The following CTBP2 variants were observed in gnomAD, a reference collection of about 807,000 sequenced individuals.
CTBP2 encodes C-terminal binding protein 2, also known as C-terminal-binding protein 2.
A neutral mutation model predicts 80.3 loss-of-function variants in CTBP2; 30 were observed. The observed-to-expected ratio is 0.37, with a 90% CI of 0.28 to 0.51. The LOEUF (loss-of-function observed/expected upper bound fraction) is 0.51. Ranked by LOEUF, CTBP2 falls within the 20% of genes least tolerant of loss-of-function variation. The pLI is 0.93. For synonymous variants in CTBP2, 594 were observed against 587.4 expected (o/e 1.01, Z -0.16); for missense variants, 1,212 against 1,375.3 (o/e 0.88, Z 1.88).
At chr10:125,036,668 GGTGTGTGTGT>G (rs59284647) in intron 3 of CTBP2, among the ~76,000 whole-genome samples, 1,259 of 119,324 alleles carry the variant, frequency 0.011, 8 homozygotes, top group South Asian at 0.019. Context: ...AGCTAGAGGG[GGTGTGTGTGT>G]GTGTGTGTGT....
At chr10:125,033,894 G>A (rs1211204519) in intron 3 of CTBP2, among the ~76,000 whole-genome samples, 1 of 152,116 alleles carries the variant, frequency 6.6e-6, no homozygotes, top group Non-Finnish European at 1.5e-5. Context: ...CCAACCAGGC[G>A]GTGGGAAACA....
chr10:124,992,671 G>A, intron 8 of CTBP2, 24 bp downstream of exon 10: 2 of 1,567,060 alleles, frequency 1.3e-6, no homozygotes, highest in Non-Finnish European at 1.7e-6. Flanking sequence ...CACAAGCTGA[G>A]ACAAAGTCAG....
intron 2 of CTBP2, among the ~76,000 whole-genome samples, chr10:125,084,261 G>A (rs1273133092): frequency 6.6e-6 from 1 of 152,210 alleles, no homozygotes; most frequent in Non-Finnish European, 1.5e-5. Context: ...CCAGCCGGCT[G>A]CTGTTTAGAA....
intron 1 of CTBP2, among the ~76,000 whole-genome samples, chr10:125,016,647 G>C (rs976307100): frequency 6.6e-6 from 1 of 152,252 alleles, no homozygotes; most frequent in African/African-American, 2.4e-5. Context: ...AGAGGAAAGT[G>C]ATCCGCGAGG....
chr10:125,053,432 C>T (rs1394977840), intron 2 of CTBP2, among the ~76,000 whole-genome samples: 1 of 152,156 alleles, frequency 6.6e-6, no homozygotes, highest in Admixed American at 6.5e-5. Flanking sequence ...TCCTGGCATC[C>T]CCCAACACAG....
At chr10:125,118,901 C>T (rs76422588) in intron 1 of CTBP2, among the ~76,000 whole-genome samples, 9,588 of 152,282 alleles carry the variant, frequency 0.063, 357 homozygotes, top group South Asian at 0.14. Flanking sequence ...GTGGACAAGG[C>T]GGCTGCTGGT....
At chr10:125,122,803 G>A (rs1218658150) in intron 1 of CTBP2, 2 of 152,202 alleles carry the variant, frequency 1.3e-5, no homozygotes, top group Non-Finnish European at 2.9e-5. Context: ...TTGTCACCAA[G>A]CAAGGGTCCT....
Position 125,005,835 on chromosome 10 carries a change from G to A in CTBP2, c.1679-2343C>T, listed in dbSNP as rs769230603. 4 of 1,595,992 alleles carry A rather than the reference G, an allele frequency of 2.5e-6. No individual in the cohort carries two copies. In the Admixed American group the frequency reaches 6.9e-5, roughly 27 times the overall value. On this transcript the variant is annotated intron_variant, in intron 1 of 8. Transcript: ENST00000309035. ...CCCCAGGCGGTCGCCCACACACAGT[G>A]AGGAACACCCCAACTTCACTTTCAG...
At chr10:125,003,976 G>T (rs1158986064) in intron 1 of CTBP2, among the ~76,000 whole-genome samples, 1 of 152,236 alleles carries the variant, frequency 6.6e-6, no homozygotes, top group African/African-American at 2.4e-5. Flanking sequence ...GAAATGGCGG[G>T]TCTGGGGCAG....
At chr10:124,990,536 T>C (rs1256139571) in intron 8 of CTBP2, among the ~76,000 whole-genome samples, 1 of 152,236 alleles carries the variant, frequency 6.6e-6, no homozygotes, top group Admixed American at 6.5e-5. Flanking sequence ...GGATACATTA[T>C]ACTATTTAAA....
chr10:125,108,058 G>T (rs1039424509), intron 2 of CTBP2, among the ~76,000 whole-genome samples: 1 of 152,194 alleles, frequency 6.6e-6, no homozygotes, highest in African/African-American at 2.4e-5. Context: ...GATGGAGAAC[G>T]AAGTCTTTTT....
At chr10:125,081,854 C>T (rs1425053335) in intron 2 of CTBP2, among the ~76,000 whole-genome samples, 5 of 152,146 alleles carry the variant, frequency 3.3e-5, no homozygotes, top group South Asian at 2.1e-4. Flanking sequence ...GAAAGACAGG[C>T]GGGTCAGGCA....
intron 1 of CTBP2, among the ~76,000 whole-genome samples, chr10:125,012,740 C>T (rs976590598): frequency 1.3e-5 from 2 of 152,124 alleles, no homozygotes; most frequent in African/African-American, 4.8e-5. Flanking sequence ...CCTGGGCTCA[C>T]GTGATTCTCC....
chr10:125,091,071 T>C (rs1300814474), intron 2 of CTBP2, among the ~76,000 whole-genome samples: 6 of 152,058 alleles, frequency 3.9e-5, no homozygotes, highest in Non-Finnish European at 7.4e-5. Context: ...AAAGAGACAA[T>C]TGAAAAAACA....
In CTBP2 at chr10:125,026,400, T is replaced by C. The variant is rs762660032; in HGVS notation, c.1360A>G (p.Thr454Ala). The C allele has an allele frequency of 1.9e-6, 3 of 1,609,736 alleles. No homozygotes were observed. Among genetic ancestry groups the C allele is most frequent in the Non-Finnish European group, 2.5e-6 (3 of 1,177,080 alleles). Reference sequence around the variant, plus strand: ...GCCACCCCTGCCTGCAGGGGGTACGTGGGGCTCAGACGCGCTGTCAGGGCG... The same window carrying C: ...GCCACCCCTGCCTGCAGGGGGTACGCGGGGCTCAGACGCGCTGTCAGGGCG... The change falls in exon 1 of 9, where the codon ACG (threonine) becomes GCG (alanine). Residue 454 changes from threonine (T) to alanine (A), a missense_variant. Thr to Ala is a moderately conservative substitution (Grantham distance 58). Coordinates refer to ENST00000309035, the MANE Select transcript of CTBP2 (RefSeq NM_022802.3).
At position 124,984,539 on chromosome 10, in the gene CTBP2, G is replaced by A; in HGVS notation, c.*4979C>T. 3.9e-6 allele frequency: 2 copies of A among 515,000 alleles called. No individual in the cohort carries two copies. Among genetic ancestry groups the A allele is most frequent in the Admixed American group, 7.0e-5 (2 of 28,468 alleles). 31.9% of individuals were successfully genotyped at this position (515,000 alleles called of 1,614,324 possible). A position where few individuals can be genotyped will look rare whatever the true frequency, so the allele number is the denominator to read the frequency against. On this transcript the variant is annotated 3_prime_UTR_variant, in exon 9 of 9. Coordinates refer to ENST00000309035, the MANE Select transcript of CTBP2 (RefSeq NM_022802.3). ...ATTTTATCTAACAAATTACCCTCTA[G>A]TGTGCTCCTCTTTAGTTTTTTTCTG...
intron 1 of CTBP2, among the ~76,000 whole-genome samples, chr10:125,012,876 G>A (rs11599502): frequency 5.1e-5 from 5 of 97,260 alleles, no homozygotes; most frequent in East Asian, 5.6e-4. Flanking sequence ...CACCGCGCCC[G>A]GCCAAAAGAA....
intron 4 of CTBP2, 71 bp from the exon 7 acceptor site, chr10:124,994,754 T>G (rs1478929616): frequency 6.7e-7 from 1 of 1,493,016 alleles, no homozygotes; most frequent in Non-Finnish European, 9.3e-7. Flanking sequence ...CTCCATTGCT[T>G]CTGAGCTGAG....
chr10:125,084,482 C>T (rs1476909758), intron 2 of CTBP2, among the ~76,000 whole-genome samples: 1 of 152,176 alleles, frequency 6.6e-6, no homozygotes, highest in East Asian at 1.9e-4. Flanking sequence ...GGAGTCCCTA[C>T]CAGTCCGGAG....
Sources: gnomAD v4.1 joint callset for allele counts (sites outside exome capture counted in the v4.1 genomes callset) on GRCh38, gnomAD v4.1.1 for gene constraint, MANE v1.5 for transcripts, NCBI Gene and HGNC (gene_info 2026-07-23, HGNC 2026-07-21) for gene names.